The following DLEC1 variants were observed in gnomAD, a reference collection of about 807,000 sequenced individuals.
DLEC1 encodes the protein deleted in lung and esophageal cancer protein 1.
In DLEC1, 146 loss-of-function variants were observed where a neutral mutation model predicts 198.1. That is an observed-to-expected ratio of 0.74 (90% CI 0.64 to 0.85). The LOEUF (loss-of-function observed/expected upper bound fraction) is 0.85, where lower values mean the gene tolerates loss of function less well. DLEC1 is among the 40% of genes least tolerant of loss of function. The pLI, the probability that DLEC1 is intolerant of heterozygous loss-of-function variation, is 0.00. For missense variants in DLEC1, 2,233 were observed against 2,220.0 expected, an observed-to-expected ratio of 1.01 and a Z score of -0.12; for synonymous variants, 897 against 866.8, an observed-to-expected ratio of 1.03 and a Z score of -0.61.
At chr3:38,119,032 T>C (rs1050737660) in intron 33 of DLEC1, among the ~76,000 whole-genome samples, 1 of 152,100 alleles carries the variant, frequency 6.6e-6, no homozygotes, top group Non-Finnish European at 1.5e-5. Flanking sequence ...GCTAAATGGA[T>C]GGGAAGGCCC....
At chr3:38,073,260 G>T (rs773491760) in intron 6 of DLEC1, among the ~76,000 whole-genome samples, 2 of 152,242 alleles carry the variant, frequency 1.3e-5, no homozygotes, top group Non-Finnish European at 2.9e-5. Flanking sequence ...ATAAGGTGCA[G>T]ATCCTGAACT....
At chr3:38,077,441 G>T (rs1035229044) in intron 6 of DLEC1, among the ~76,000 whole-genome samples, 32 of 152,188 alleles carry the variant, frequency 2.1e-4, no homozygotes, top group African/African-American at 6.3e-4. Context: ...GGAAAGTGGT[G>T]AAAGTATTGT....
At position 38,062,315 on chromosome 3, in the gene DLEC1, C is replaced by G. The variant is rs966443323; in HGVS notation, c.820C>G (p.Leu274Val). Residue 274 changes from leucine to valine, a missense_variant, in exon 4 of 37, where the codon CTG becomes GTG. Physicochemically the swap from Leu to Val is conservative, Grantham distance 32. Transcript: ENST00000308059. ...EDELDHTVDSLTWNLTPKAKE... is the reference protein window; with the variant it reads ...EDELDHTVDSVTWNLTPKAKE... ...TGAGTTAGACCACACTGTGGACAGCCTGACATGGAATTTAACTCCTAAGGC... is the reference window on the plus strand; with the variant it reads ...TGAGTTAGACCACACTGTGGACAGCGTGACATGGAATTTAACTCCTAAGGC... The G allele has an allele frequency of 6.2e-7, 1 of 1,614,092 alleles. No homozygotes were observed. The highest frequency in any genetic ancestry group is 8.5e-7 in the Non-Finnish European group (1 of 1,180,048).
chr3:38,070,076 G>C (rs949218123), intron 6 of DLEC1, among the ~76,000 whole-genome samples: 1 of 152,150 alleles, frequency 6.6e-6, no homozygotes, highest in Non-Finnish European at 1.5e-5. Context: ...CAAAAGATGT[G>C]TACCTGTATT....
At chr3:38,104,023 T>C (rs755742065) in intron 19 of DLEC1, among the ~76,000 whole-genome samples, 4 of 152,100 alleles carry the variant, frequency 2.6e-5, no homozygotes, top group Non-Finnish European at 5.9e-5. Flanking sequence ...ATTGGAAAAA[T>C]GACATTGATA....
chr3:38,108,017 C>T (rs1699658746), intron 20 of DLEC1, among the ~76,000 whole-genome samples: 2 of 152,242 alleles, frequency 1.3e-5, no homozygotes, highest in African/African-American at 4.8e-5. Context: ...TAGCCCATGA[C>T]TGGCCCAGGT....
At chr3:38,083,699 A>G (rs143772254) in intron 6 of DLEC1, among the ~76,000 whole-genome samples, 4 of 152,330 alleles carry the variant, frequency 2.6e-5, no homozygotes, top group African/African-American at 7.2e-5. Context: ...AGGGGATGCA[A>G]TGGCTTAGCT....
intron 2 of DLEC1, chr3:38,052,128 C>A: frequency 2.7e-6 from 1 of 369,816 alleles, no homozygotes; most frequent in Non-Finnish European, 5.5e-6. Context: ...CCCTGTGCAA[C>A]AGACACTCCA....
At chr3:38,065,352 A>G (rs1189356874) in intron 6 of DLEC1, among the ~76,000 whole-genome samples, 1 of 147,334 alleles carries the variant, frequency 6.8e-6, no homozygotes, top group Non-Finnish European at 1.5e-5. Context: ...GAGGGAGGAG[A>G]GGGAGACTGT....
At chr3:38,044,213 T>C (rs1422100816) in intron 1 of DLEC1, among the ~76,000 whole-genome samples, 1 of 151,822 alleles carries the variant, frequency 6.6e-6, no homozygotes, top group Admixed American at 6.6e-5. Flanking sequence ...GCCACTGTAC[T>C]CCAGGCTAAG....
chr3:38,115,142 GA>G, intron 27 of DLEC1, 89 bp downstream of exon 27: 1 of 1,459,308 alleles, frequency 6.9e-7, no homozygotes. Context: ...GAGGGAAGCC[GA>G]TGGCCCATGA....
Position 38,039,652 on chromosome 3 carries a change from C to A in DLEC1, c.411+16C>A. 1.3e-6 allele frequency: 2 copies of A among 1,583,890 alleles called. No individual in the cohort carries two copies. Among genetic ancestry groups the A allele is most frequent in the Admixed American group, 3.5e-5 (2 of 57,542 alleles). On this transcript the variant is annotated intron_variant, in intron 1 of 36. Transcript: ENST00000308059. ...GCTGCAGCAGGTAACGTGGCGGTGGCGTCGCGTCTGCGGACGGTGCCGGGG... is the reference window on the plus strand; with the variant it reads ...GCTGCAGCAGGTAACGTGGCGGTGGAGTCGCGTCTGCGGACGGTGCCGGGG...
At chr3:38,090,243 A>G (rs1698671529) in intron 10 of DLEC1, among the ~76,000 whole-genome samples, 1 of 152,206 alleles carries the variant, frequency 6.6e-6, no homozygotes, top group Non-Finnish European at 1.5e-5. Context: ...TAAACAGGTA[A>G]ACAGTGAAAT....
At position 38,117,532 on chromosome 3, in the gene DLEC1, G is replaced by A. The variant is rs747330545; in HGVS notation, c.4406G>A (p.Ser1469Asn). 1 of 1,614,202 alleles carries A rather than the reference G, an allele frequency of 6.2e-7. No individual in the cohort carries two copies. Among genetic ancestry groups the A allele is most frequent in the Non-Finnish European group, 8.5e-7 (1 of 1,180,000 alleles). The change falls in exon 32 of 37, where the codon AGT (serine) becomes AAT (asparagine). Residue 1469 changes from serine to asparagine, a missense_variant. Transcript: ENST00000308059. Reference protein sequence around the residue: ...LHSYVRPAQLSVELDYGGSME... With the variant: ...LHSYVRPAQLNVELDYGGSME... ...CAATGCCTATTGCTGGGCAGGCTAAGTGTGGAGCTGGACTACGGCGGCAGT... is the reference window on the plus strand; with the variant it reads ...CAATGCCTATTGCTGGGCAGGCTAAATGTGGAGCTGGACTACGGCGGCAGT...
rs1697389130 is a variant in DLEC1, at chr3:38,072,699, A to C, written c.1173+8780A>C. On this transcript the variant is annotated intron_variant, in intron 6 of 36. Coordinates refer to ENST00000308059, the MANE Select transcript of DLEC1 (RefSeq NM_007335.4). ...AAGGCGAAAATATCTAACCATGCCT[A>C]GGAAGGAAAGGAGTTGTTGTTTTGT... 2.6e-5 allele frequency among the ~76,000 whole-genome samples: 4 copies of C among 152,344 alleles called. No homozygotes were observed. In the South Asian group the frequency reaches 8.3e-4, roughly 32 times the overall value.
chr3:38,077,908 G>A (rs1373373374), intron 6 of DLEC1, among the ~76,000 whole-genome samples: 2 of 152,192 alleles, frequency 1.3e-5, no homozygotes, highest in African/African-American at 4.8e-5. Context: ...TTTCCTCGAG[G>A]ATAGATTTCC....
chr3:38,101,588 C>T (rs1235450413), intron 19 of DLEC1, among the ~76,000 whole-genome samples: 1 of 152,054 alleles, frequency 6.6e-6, no homozygotes, highest in Non-Finnish European at 1.5e-5. Flanking sequence ...CATTTAAATG[C>T]TCATTTAAAT....
chr3:38,120,894 CAAGG>C (rs1425956033), intron 34 of DLEC1, among the ~76,000 whole-genome samples: 1 of 152,198 alleles, frequency 6.6e-6, no homozygotes, highest in Non-Finnish European at 1.5e-5. Context: ...ACCATTTAAT[CAAGG>C]AAGGGAAACA....
At chr3:38,090,337 C>T (rs1038141130) in intron 10 of DLEC1, among the ~76,000 whole-genome samples, 2 of 152,228 alleles carry the variant, frequency 1.3e-5, no homozygotes, top group African/African-American at 4.8e-5. Flanking sequence ...TAGTCTATGC[C>T]CAAATAAGCA....
Sources: gnomAD v4.1 joint callset for allele counts (sites outside exome capture counted in the v4.1 genomes callset) on GRCh38, gnomAD v4.1.1 for gene constraint, MANE v1.5 for transcripts, NCBI Gene and HGNC (gene_info 2026-07-23, HGNC 2026-07-21) for gene names.